FARSB: variants seen among roughly 807,000 people sequenced by gnomAD.
FARSB encodes the protein phenylalanine--tRNA ligase beta subunit.
Under a neutral mutation model 69.6 loss-of-function variants are expected in FARSB, and 40 were observed. That is an observed-to-expected ratio of 0.57 (90% CI 0.45 to 0.75). The LOEUF is 0.75. FARSB is among the 30% of genes least tolerant of loss of function. FARSB has a pLI of 0.00. For missense variants in FARSB, 632 were observed against 722.9 expected, an observed-to-expected ratio of 0.87 and a Z score of 1.44; for synonymous variants, 235 against 247.2, an observed-to-expected ratio of 0.95 and a Z score of 0.46.
intron 13 of FARSB, among the ~76,000 whole-genome samples, chr2:222,621,719 G>A (rs1352596618): frequency 1.3e-5 from 2 of 152,166 alleles, no homozygotes; most frequent in African/African-American, 4.8e-5. Context: ...ATATGATGAA[G>A]TGTGAATTAT....
chr2:222,594,973 T>C (rs1690373621), intron 16 of FARSB, among the ~76,000 whole-genome samples: 1 of 152,226 alleles, frequency 6.6e-6, no homozygotes, highest in Non-Finnish European at 1.5e-5. Context: ...TCACTGCTTA[T>C]TTGTTTAATA....
intron 13 of FARSB, among the ~76,000 whole-genome samples, chr2:222,621,596 A>G (rs1691137164): frequency 6.6e-6 from 1 of 152,244 alleles, no homozygotes; most frequent in South Asian, 2.1e-4. Flanking sequence ...AATGAACCTT[A>G]TAGTTTTTAC....
intron 9 of FARSB, among the ~76,000 whole-genome samples, 169 bp from the exon 10 acceptor site, chr2:222,629,057 T>G (rs1691349537): frequency 6.6e-6 from 1 of 152,156 alleles, no homozygotes; most frequent in African/African-American, 2.4e-5. Flanking sequence ...ACAATAATAC[T>G]CTACTGTTTC....
intron 15 of FARSB, among the ~76,000 whole-genome samples, chr2:222,608,198 T>C (rs1275872251): frequency 6.6e-6 from 1 of 152,156 alleles, no homozygotes; most frequent in Non-Finnish European, 1.5e-5. Flanking sequence ...GCCAAAAATA[T>C]GAAATGGTGA....
intron 16 of FARSB, among the ~76,000 whole-genome samples, chr2:222,586,795 A>C (rs1167722411): frequency 6.6e-6 from 1 of 152,232 alleles, no homozygotes; most frequent in Non-Finnish European, 1.5e-5. Context: ...TCAATTCAAC[A>C]AGAAGAGCTA....
At chr2:222,642,621 T>C (rs1691751237) in intron 3 of FARSB, among the ~76,000 whole-genome samples, 1 of 152,192 alleles carries the variant, frequency 6.6e-6, no homozygotes. Context: ...TAAACACCAG[T>C]TTTAAAATAT....
At chr2:222,622,679 T>C (rs1371263083) in intron 13 of FARSB, among the ~76,000 whole-genome samples, 2 of 152,178 alleles carry the variant, frequency 1.3e-5, no homozygotes, top group African/African-American at 4.8e-5. Flanking sequence ...GGAAAAGCAC[T>C]GTTCTAGGAG....
At chr2:222,610,515 A>C (rs1690820802) in intron 15 of FARSB, among the ~76,000 whole-genome samples, 1 of 152,112 alleles carries the variant, frequency 6.6e-6, no homozygotes, top group Admixed American at 6.5e-5. Context: ...AAAAATAGAA[A>C]ATAAAAATTA....
chr2:222,587,684 C>T (rs959943313), intron 16 of FARSB, among the ~76,000 whole-genome samples: 1 of 152,074 alleles, frequency 6.6e-6, no homozygotes, highest in Admixed American at 6.6e-5. Flanking sequence ...ATATCACCAC[C>T]GATCCCACAG....
chr2:222,623,666 G>A lies in FARSB; in HGVS notation c.1235C>T (p.Ala412Val). Residue 412 changes from alanine (A) to valine (V), a missense_variant, in exon 13 of 17, where the codon GCA becomes GTA. Transcript: ENST00000281828. ...HDMAAAGFTE[A>V]LTFALCSQED... Reference sequence around the variant, plus strand: ...AAGACATACCAGGGCAAAGGTAAGTGCTTCAGTGAAGCCAGCGGCTGCCAT... The same window carrying A: ...AAGACATACCAGGGCAAAGGTAAGTACTTCAGTGAAGCCAGCGGCTGCCAT... The A allele has an allele frequency of 6.2e-7, 1 of 1,602,714 alleles. No homozygotes were observed. Among genetic ancestry groups the A allele is most frequent in the Non-Finnish European group, 8.5e-7 (1 of 1,169,640 alleles).
At chr2:222,649,087 A>G (rs1022954468) in intron 1 of FARSB, among the ~76,000 whole-genome samples, 4 of 152,022 alleles carry the variant, frequency 2.6e-5, no homozygotes, top group African/African-American at 4.8e-5. Context: ...TTAGCCAGGC[A>G]TGGTGGCGCA....
chr2:222,630,106 A>G lies in FARSB; in HGVS notation c.848+7T>C. The G allele has an allele frequency of 6.6e-7, 1 of 1,518,226 alleles. No homozygotes were observed. The highest frequency in any genetic ancestry group is 1.4e-5 in the African/African-American group (1 of 71,160). The allele number at this position is 1,518,226 out of a possible 1,614,324, so 94.0% of individuals were successfully genotyped here. ...GGGCCATCAATAAAGGTGCTGGATG[A>G]ACTTACGTAAATTGATTCTCACAAT... On this transcript the variant is annotated splice_region_variant and intron_variant, in intron 9 of 16. Coordinates refer to ENST00000281828, the MANE Select transcript of FARSB (RefSeq NM_005687.5).
chr2:222,619,116 T>C (rs1487408453), intron 14 of FARSB, among the ~76,000 whole-genome samples: 1 of 150,692 alleles, frequency 6.6e-6, no homozygotes, highest in African/African-American at 2.4e-5. Flanking sequence ...CACTCCAGCC[T>C]GGGCGACAGA....
rs1246610842 is a variant in FARSB, at chr2:222,569,323, A to G, written c.*2548T>C. On this transcript the variant is annotated 3_prime_UTR_variant, in exon 17 of 17. Coordinates refer to ENST00000281828, the MANE Select transcript of FARSB (RefSeq NM_005687.5). ...GCTGACAGAACAAATGGTTCCACCT[A>G]CTTCAACAAGGGCTATCATATGATG... 1.3e-5 allele frequency: 2 copies of G among 152,164 alleles called. No individual in the cohort carries two copies. The highest frequency in any genetic ancestry group is 2.9e-5 in the Non-Finnish European group (2 of 68,026). 9.4% of individuals were successfully genotyped at this position (152,164 alleles called of 1,614,324 possible).
In FARSB at chr2:222,624,560, G is replaced by A. The variant is rs930692921; in HGVS notation, c.963-81C>T. 1.6e-5 allele frequency: 16 copies of A among 1,014,534 alleles called. No individual in the cohort carries two copies. In the East Asian group the frequency reaches 2.0e-4, roughly 13 times the overall value. 62.8% of individuals were successfully genotyped at this position (1,014,534 alleles called of 1,614,324 possible). Reference sequence around the variant, plus strand: ...CATTGTGTTTCAACATATGCTACTAGCTGAAACAGTAACCTTTCTTTTTGA... The same window carrying A: ...CATTGTGTTTCAACATATGCTACTAACTGAAACAGTAACCTTTCTTTTTGA... On this transcript the variant is annotated intron_variant, in intron 11 of 16. Transcript: ENST00000281828.
intron 15 of FARSB, among the ~76,000 whole-genome samples, chr2:222,607,820 T>C (rs1048306324): frequency 2.6e-5 from 4 of 152,074 alleles, no homozygotes; most frequent in African/African-American, 9.7e-5. Flanking sequence ...GTACAGAACT[T>C]CCTTTTTAAA....
At chr2:222,608,763 A>G (rs1459477318) in intron 15 of FARSB, among the ~76,000 whole-genome samples, 1 of 152,240 alleles carries the variant, frequency 6.6e-6, no homozygotes, top group Non-Finnish European at 1.5e-5. Context: ...CCAGGACTAC[A>G]GCAATGCTTT....
chr2:222,584,603 G>A (rs1425411496), intron 16 of FARSB, among the ~76,000 whole-genome samples: 9 of 152,206 alleles, frequency 5.9e-5, no homozygotes, highest in South Asian at 2.1e-4. Context: ...AAGGGATGCC[G>A]TGACAGACGG....
In FARSB at chr2:222,569,932, G is replaced by A. The variant is rs78894930; in HGVS notation, c.*1939C>T. The stretch of plus-strand genomic sequence containing the variant: ...AAACCTAGGAATAGAATGGCTAGAT[G>A]GTAGGTGTATGTTTCAAGAGACTGC... On this transcript the variant is annotated 3_prime_UTR_variant, in exon 17 of 17. Coordinates refer to ENST00000281828, the MANE Select transcript of FARSB (RefSeq NM_005687.5). Among the ~76,000 whole-genome samples the A allele has an allele frequency of 1.1e-4, 16 of 152,304 alleles. 1 individual carries two copies. In the East Asian group the frequency reaches 2.7e-3, roughly 26 times the overall value.
Sources: gnomAD v4.1 joint callset for allele counts (sites outside exome capture counted in the v4.1 genomes callset) on GRCh38, gnomAD v4.1.1 for gene constraint, MANE v1.5 for transcripts, NCBI Gene and HGNC (gene_info 2026-07-23, HGNC 2026-07-21) for gene names.